ASPH: variants seen among roughly 807,000 people sequenced by gnomAD.
ASPH encodes aspartyl/asparaginyl beta-hydroxylase.
ASPH carries 100 observed loss-of-function variants against 118.4 expected under a neutral mutation model. The observed-to-expected ratio is 0.84, with a 90% confidence interval of 0.72 to 1.00. ASPH has a LOEUF of 1.00. Ranked by LOEUF, ASPH falls within the 50% of genes least tolerant of loss-of-function variation. The probability of loss-of-function intolerance (pLI) is 0.00; values close to 1 mark genes in which losing one functional copy is unlikely to be tolerated. For missense variants in ASPH, 920 were observed against 919.5 expected (o/e 1.00, Z -0.01); for synonymous variants, 315 against 325.6 (o/e 0.97, Z 0.35).
intron 14 of ASPH, among the ~76,000 whole-genome samples, chr8:61,618,325 C>T (rs1054685925): frequency 6.6e-6 from 1 of 152,034 alleles, no homozygotes; most frequent in Non-Finnish European, 1.5e-5. Flanking sequence ...TATTAAAGAT[C>T]ATATCATTCA....
chr8:61,525,476 GTTA>G (rs1185302590), intron 22 of ASPH, among the ~76,000 whole-genome samples: 1 of 152,120 alleles, frequency 6.6e-6, no homozygotes, highest in African/African-American at 2.4e-5. Flanking sequence ...TGAGACAGCA[GTTA>G]TTATTGTCTT....
chr8:61,514,762 T>C (rs972816950), intron 24 of ASPH, among the ~76,000 whole-genome samples: 1 of 152,034 alleles, frequency 6.6e-6, no homozygotes, highest in Admixed American at 6.5e-5. Context: ...GACAGGGTCT[T>C]ACTGTGTTGC....
intron 16 of ASPH, among the ~76,000 whole-genome samples, chr8:61,568,490 G>C (rs924336255): frequency 4.6e-5 from 7 of 152,322 alleles, no homozygotes; most frequent in East Asian, 3.9e-4. Flanking sequence ...TTTGGGGGCA[G>C]TATAGAATCA....
chr8:61,628,150 T>C (rs1853793173), intron 13 of ASPH, among the ~76,000 whole-genome samples: 1 of 151,778 alleles, frequency 6.6e-6, no homozygotes, highest in Non-Finnish European at 1.5e-5. Flanking sequence ...TTGTCATTTT[T>C]AGGCAAAGAT....
intron 15 of ASPH, 42 bp from the exon 16 acceptor site, chr8:61,576,900 T>C (rs1293811513): frequency 7.4e-6 from 11 of 1,485,948 alleles, no homozygotes; most frequent in Non-Finnish European, 1.0e-5. Context: ...TAAATTAAAA[T>C]GAATAATCAA....
chr8:61,509,234 G>A (rs1807873157), intron 24 of ASPH, among the ~76,000 whole-genome samples: 1 of 152,190 alleles, frequency 6.6e-6, no homozygotes, highest in African/African-American at 2.4e-5. Flanking sequence ...AATTCAGGGC[G>A]AGTCCATGGA....
In ASPH at chr8:61,627,561, A is replaced by G. The variant is rs73267223; in HGVS notation, c.934+6122T>C. Among the ~76,000 whole-genome samples the G allele has an allele frequency of 9.7e-3, 1,475 of 152,302 alleles. 21 individuals carry two copies. The highest frequency in any genetic ancestry group is 0.031 in the African/African-American group (1,283 of 41,562). Reference sequence around the variant, plus strand: ...CATTTGAGCATTTCCACATGTATAAATTATACCCCAATAGAAAAAGTTTAT... The same window carrying G: ...CATTTGAGCATTTCCACATGTATAAGTTATACCCCAATAGAAAAAGTTTAT... On this transcript the variant is annotated intron_variant, in intron 13 of 24. Coordinates refer to ENST00000379454, the MANE Select transcript of ASPH (RefSeq NM_004318.4).
At chr8:61,655,659 CCT>C (rs1411721784) in intron 3 of ASPH, among the ~76,000 whole-genome samples, 2 of 152,112 alleles carry the variant, frequency 1.3e-5, no homozygotes, top group African/African-American at 2.4e-5. Flanking sequence ...ATACAATGCC[CCT>C]GAGAGTCAGC....
At position 61,714,432 on chromosome 8, in the gene ASPH, A is replaced by C; in HGVS notation, c.-61T>G. On this transcript the variant is annotated 5_prime_UTR_variant, in exon 1 of 25. Transcript: ENST00000379454. The stretch of plus-strand genomic sequence containing the variant: ...CCTCCTTCAGTGCGCGGGGGTACAC[A>C]CGCGACGCGGGAACCGCTGGCGGCG... The C allele has an allele frequency of 1.5e-6, 2 of 1,371,358 alleles. No individual in the cohort carries two copies. Among genetic ancestry groups the C allele is most frequent in the Non-Finnish European group, 1.9e-6 (2 of 1,060,506 alleles). The allele number at this position is 1,371,358 out of a possible 1,614,324, so 84.9% of individuals were successfully genotyped here. A position where few individuals can be genotyped will look rare whatever the true frequency, so the allele number is the denominator to read the frequency against.
intron 14 of ASPH, among the ~76,000 whole-genome samples, chr8:61,585,098 C>G (rs1187016025): frequency 3.3e-5 from 5 of 152,318 alleles, no homozygotes; most frequent in Non-Finnish European, 7.3e-5. Context: ...GTCTTAAAAG[C>G]AGGCTGAATC....
intron 24 of ASPH, among the ~76,000 whole-genome samples, chr8:61,506,311 C>G (rs1052265829): frequency 3.3e-5 from 5 of 152,106 alleles, no homozygotes; most frequent in African/African-American, 9.7e-5. Context: ...AGAGTGGTTG[C>G]CAGTGGCCGG....
At chr8:61,683,778 T>C in intron 2 of ASPH, 1 of 352,332 alleles carries the variant, frequency 2.8e-6, no homozygotes, top group Non-Finnish European at 5.1e-6. Flanking sequence ...GAATGAGTAC[T>C]GTTTGATAAA....
intron 12 of ASPH, among the ~76,000 whole-genome samples, chr8:61,635,430 C>T (rs1484771040): frequency 6.6e-6 from 1 of 152,072 alleles, no homozygotes; most frequent in East Asian, 1.9e-4. Context: ...TCTTAAAACT[C>T]ACCCAACTAG....
intron 21 of ASPH, among the ~76,000 whole-genome samples, chr8:61,528,646 A>G (rs1816410822): frequency 6.6e-6 from 1 of 152,208 alleles, no homozygotes; most frequent in African/African-American, 2.4e-5. Flanking sequence ...AAAATGTTAA[A>G]GTGATTGCAT....
chr8:61,571,868 G>A (rs147644892), intron 16 of ASPH, among the ~76,000 whole-genome samples: 1 of 152,182 alleles, frequency 6.6e-6, no homozygotes, highest in East Asian at 1.9e-4. Flanking sequence ...TATTTGAATA[G>A]GCATGATCTT....
In ASPH at chr8:61,643,599, C is replaced by T. The variant is rs111376865; in HGVS notation, c.710-166G>A. Among the ~76,000 whole-genome samples, 182 of 152,232 alleles carry T rather than the reference C, an allele frequency of 1.2e-3. 3 individuals carry two copies. The highest frequency in any genetic ancestry group is 3.8e-3 in the African/African-American group (158 of 41,532). ...TGAATAACGTTCCACAATTTGATGC[C>T]TAAGTCAAAAAGATAGGAAAGAGTA... On this transcript the variant is annotated intron_variant, in intron 8 of 24. Coordinates refer to ENST00000379454, the MANE Select transcript of ASPH (RefSeq NM_004318.4).
At chr8:61,607,572 C>G (rs556681539) in intron 14 of ASPH, among the ~76,000 whole-genome samples, 1 of 151,666 alleles carries the variant, frequency 6.6e-6, no homozygotes, top group Admixed American at 6.6e-5. Flanking sequence ...GAAAGAAGTA[C>G]TGTTATGCCC....
intron 3 of ASPH, chr8:61,664,416 A>G: frequency 1.0e-6 from 1 of 979,144 alleles, no homozygotes; most frequent in Non-Finnish European, 1.2e-6. Context: ...TAAAGGTATC[A>G]TAAATAAAAG....
intron 1 of ASPH, among the ~76,000 whole-genome samples, chr8:61,703,811 T>C (rs1487682446): frequency 5.9e-5 from 9 of 152,218 alleles, no homozygotes; most frequent in Non-Finnish European, 4.4e-5. Flanking sequence ...CTACACTATT[T>C]AGAGCTATTT....
Sources: allele counts gnomAD v4.1 joint callset (sites outside exome capture counted in the v4.1 genomes callset), GRCh38; gene constraint gnomAD v4.1.1; transcripts MANE v1.5; gene names NCBI Gene and HGNC (gene_info 2026-07-23, HGNC 2026-07-21).